PUDP: variants seen among roughly 807,000 people sequenced by gnomAD.
The protein encoded by PUDP is pseudouridine 5'-phosphatase, also known as pseudouridine-5'-phosphatase.
A neutral mutation model predicts 9.4 loss-of-function variants in PUDP; 8 were observed. The ratio of observed to expected loss-of-function variants is 0.85; its 90% CI spans 0.50 to 1.53. The LOEUF is 1.53. PUDP is among the 40% of genes most tolerant of loss of function. The probability of loss-of-function intolerance (pLI) is 0.00; values close to 1 mark genes in which losing one functional copy is unlikely to be tolerated. For missense variants in PUDP, 188 were observed against 189.7 expected (o/e 0.99, Z 0.05); for synonymous variants, 99 against 80.7 (o/e 1.23, Z -1.22).
Position 6,992,450 on chromosome X carries a change from T to C in PUDP, c.205-14107A>G, listed in dbSNP as rs1220809069. ...ACCGTGCCCGGCTAATTTTTTGTAT[T>C]TTTAGTAGAGACGGGGTTTCACCTT... On this transcript the variant is annotated intron_variant and NMD_transcript_variant, in intron 1 of 3. Coordinates refer to the PUDP transcript ENST00000655425. 7.0e-4 allele frequency among the ~76,000 whole-genome samples: 75 copies of C among 106,560 alleles called. 6 individuals carry two copies. Among genetic ancestry groups the C allele is most frequent in the Non-Finnish European group, 1.9e-5 (1 of 51,495 alleles). 92.5% of individuals were successfully genotyped at this position (106,560 alleles called of 115,157 possible). A position where few individuals can be genotyped will look rare whatever the true frequency, so the allele number is the denominator to read the frequency against.
chrX:6,795,187 G>A (rs1925824170), intron 3 of PUDP, among the ~76,000 whole-genome samples: 1 of 111,333 alleles, frequency 9.0e-6, no homozygotes, highest in Non-Finnish European at 1.9e-5. Flanking sequence ...CATCGTATAT[G>A]TGGTCTGTCA....
rs779758318 is a variant in PUDP, at chrX:7,147,501, G to A, written c.61+552C>T. ...CAAAATGTCTCCTGACATCGCCATT[G>A]CCAGATGCCCTCAGGGCTGCAAAAC... is the stretch of plus-strand genomic sequence containing the variant. On this transcript the variant is annotated intron_variant, in intron 1 of 3. Coordinates refer to ENST00000381077, the MANE Select transcript of PUDP (RefSeq NM_012080.5). Among the ~76,000 whole-genome samples, 73 of 112,015 alleles carry A rather than the reference G, an allele frequency of 6.5e-4. 1 individual carries two copies. The highest frequency in any genetic ancestry group is 2.2e-3 in the African/African-American group (69 of 30,848).
intron 3 of PUDP, among the ~76,000 whole-genome samples, chrX:6,973,503 T>A (rs182431599): frequency 5.3e-5 from 6 of 112,335 alleles, no homozygotes; most frequent in Non-Finnish European, 1.1e-4. Flanking sequence ...TTAGTTTCCA[T>A]GTAGTTGTGC....
chrX:6,957,282 A>G (rs1928641912), intron 3 of PUDP, among the ~76,000 whole-genome samples: 1 of 110,829 alleles, frequency 9.0e-6, no homozygotes, highest in South Asian at 3.9e-4. Flanking sequence ...CAGGTTTAAG[A>G]GGAGGGACCT....
At chrX:7,067,062 C>T (rs1033673441) in intron 3 of PUDP, among the ~76,000 whole-genome samples, 2 of 112,170 alleles carry the variant, frequency 1.8e-5, no homozygotes, top group Non-Finnish European at 3.8e-5. Context: ...ATTTCTCCAG[C>T]CAAGCATAAA....
At chrX:6,722,421 G>C (rs1471446087), upstream of PUDP, among the ~76,000 whole-genome samples, 1 of 107,077 alleles carries the variant, frequency 9.3e-6, no homozygotes, top group Non-Finnish European at 1.9e-5. Flanking sequence ...CTCCAGCCTG[G>C]GCCACAGAGT....
At chrX:7,101,232 C>T (rs192274095) in intron 2 of PUDP, among the ~76,000 whole-genome samples, 5 of 111,308 alleles carry the variant, frequency 4.5e-5, no homozygotes, top group Non-Finnish European at 7.5e-5. Flanking sequence ...TAAGTATATG[C>T]GTGTGCACAC....
chrX:6,768,781 C>T (rs1925318481), intron 3 of PUDP, among the ~76,000 whole-genome samples: 1 of 111,810 alleles, frequency 8.9e-6, no homozygotes, highest in African/African-American at 3.3e-5. Flanking sequence ...TTTTTATGAA[C>T]ATATATGCAT....
At chrX:7,133,961 T>C (rs1036800857) in intron 1 of PUDP, among the ~76,000 whole-genome samples, 1 of 112,159 alleles carries the variant, frequency 8.9e-6, no homozygotes, top group East Asian at 2.8e-4. Context: ...TGCAAAATCA[T>C]GTTAAACAGT....
At chrX:6,994,216 C>G (rs1468038204) in intron 1 of PUDP, among the ~76,000 whole-genome samples, 1 of 110,419 alleles carries the variant, frequency 9.1e-6, no homozygotes, top group Non-Finnish European at 1.9e-5. Flanking sequence ...TGCTTGACAC[C>G]AGCCTGGGCA....
intron 3 of PUDP, among the ~76,000 whole-genome samples, chrX:6,900,736 C>T (rs928624907): frequency 2.8e-5 from 3 of 107,507 alleles, no homozygotes; most frequent in African/African-American, 1.0e-4. Context: ...CCACTGAGGA[C>T]ACGAGGGCAT....
intron 3 of PUDP, among the ~76,000 whole-genome samples, chrX:6,915,380 C>G (rs1927914061): frequency 8.9e-6 from 1 of 112,206 alleles, no homozygotes; most frequent in Non-Finnish European, 1.9e-5. Context: ...AAATGTCCAT[C>G]CCCTTGTCCT....
intron 1 of PUDP, among the ~76,000 whole-genome samples, chrX:7,147,026 C>T (rs1486516109): frequency 3.6e-5 from 4 of 110,516 alleles, no homozygotes; most frequent in Admixed American, 1.9e-4. Flanking sequence ...TCAAGGCTTT[C>T]GGTAGAGCTC....
intron 1 of PUDP, among the ~76,000 whole-genome samples, chrX:7,034,683 A>G (rs1434465496): frequency 2.7e-5 from 3 of 111,730 alleles, no homozygotes; most frequent in Admixed American, 9.5e-5. Context: ...TTGTGTATCT[A>G]TCTAATAATC....
intron 2 of PUDP, among the ~76,000 whole-genome samples, chrX:7,090,048 C>T (rs1931378023): frequency 9.0e-6 from 1 of 111,554 alleles, no homozygotes; most frequent in Non-Finnish European, 1.9e-5. Context: ...GGAAATTTAC[C>T]TCATGAGAGA....
At chrX:6,854,018 C>T (rs778489622) in intron 3 of PUDP, among the ~76,000 whole-genome samples, 107 of 111,583 alleles carry the variant, frequency 9.6e-4, no homozygotes, top group African/African-American at 3.3e-3. Context: ...CCCATCTCAG[C>T]CTACTAACGT....
chrX:6,737,047 A>G (rs984745566), intron 3 of PUDP, among the ~76,000 whole-genome samples: 6 of 111,469 alleles, frequency 5.4e-5, no homozygotes, highest in African/African-American at 2.0e-4. Flanking sequence ...TCTGTCACAC[A>G]CAGAGGACGA....
intron 3 of PUDP, among the ~76,000 whole-genome samples, chrX:7,075,774 T>C (rs1352219934): frequency 8.9e-6 from 1 of 111,901 alleles, no homozygotes; most frequent in Admixed American, 9.5e-5. Flanking sequence ...GCCAATGCCT[T>C]GCTTCCATTT....
chrX:7,057,790 G>A (rs1413409296), intron 3 of PUDP: 4 of 1,152,075 alleles, frequency 3.5e-6, no homozygotes, highest in South Asian at 1.9e-5. Flanking sequence ...TGGCATTTCT[G>A]TGCGGTGAGC....
Sources: allele counts gnomAD v4.1 joint callset (sites outside exome capture counted in the v4.1 genomes callset), GRCh38; gene constraint gnomAD v4.1.1; transcripts MANE v1.5; gene names NCBI Gene and HGNC (gene_info 2026-07-23, HGNC 2026-07-21).